Variants in MAPKAP1 observed in about 807,000 individuals in gnomAD.
The protein encoded by MAPKAP1 is MAPK associated protein 1, also known as target of rapamycin complex 2 subunit MAPKAP1.
In MAPKAP1, 20 loss-of-function variants were observed where a neutral mutation model predicts 65.7. The observed-to-expected ratio is 0.30, with a 90% CI of 0.21 to 0.44. The LOEUF (loss-of-function observed/expected upper bound fraction) is 0.44. MAPKAP1 is among the 20% of genes least tolerant of loss of function. The pLI is 1.00. For synonymous variants in MAPKAP1, 222 were observed against 244.3 expected, an observed-to-expected ratio of 0.91 and a Z score of 0.85; for missense variants, 423 against 648.0, an observed-to-expected ratio of 0.65 and a Z score of 3.77.
intron 9 of MAPKAP1, among the ~76,000 whole-genome samples, chr9:125,476,534 C>T (rs1333113964): frequency 2.0e-5 from 3 of 151,304 alleles, no homozygotes; most frequent in South Asian, 4.2e-4. Flanking sequence ...TTGAACTGTA[C>T]TCCACAGGTA....
chr9:125,442,128 C>CAAAAAAA (rs71492449), intron 11 of MAPKAP1, among the ~76,000 whole-genome samples: 1 of 38,754 alleles, frequency 2.6e-5, no homozygotes, highest in African/African-American at 9.5e-5. Flanking sequence ...GACTCTGTCT[C>CAAAAAAA]AAAAAAAAAA....
intron 9 of MAPKAP1, among the ~76,000 whole-genome samples, chr9:125,479,478 G>C (rs1011418169): frequency 6.6e-6 from 1 of 152,084 alleles, no homozygotes; most frequent in Non-Finnish European, 1.5e-5. Flanking sequence ...TACTTGGGAG[G>C]CTGAGGCAGA....
chr9:125,542,265 T>G (rs1830274564), intron 7 of MAPKAP1, among the ~76,000 whole-genome samples: 1 of 152,252 alleles, frequency 6.6e-6, no homozygotes, highest in South Asian at 2.1e-4. Flanking sequence ...ACAGATTATA[T>G]GCCTCCCCTT....
intron 10 of MAPKAP1, among the ~76,000 whole-genome samples, chr9:125,459,484 A>C (rs1346265549): frequency 6.6e-6 from 1 of 151,936 alleles, no homozygotes; most frequent in Admixed American, 6.6e-5. Flanking sequence ...TGGAGGTTGT[A>C]GCGAGCCGAG....
At chr9:125,539,469 A>G (rs1179537760) in intron 7 of MAPKAP1, among the ~76,000 whole-genome samples, 2 of 152,184 alleles carry the variant, frequency 1.3e-5, no homozygotes, top group Non-Finnish European at 2.9e-5. Context: ...TTTCTGTGTC[A>G]ATGTTAAACA....
rs141566538 is a variant in MAPKAP1, at chr9:125,554,693, G to T, written c.848+4940C>A. Among the ~76,000 whole-genome samples, 3 of 151,614 alleles carry T rather than the reference G, an allele frequency of 2.0e-5. No homozygotes were observed. In the East Asian group the frequency reaches 5.9e-4, roughly 30 times the overall value. ...TGCCTGTAGTTCCAGCTACTTGGGA[G>T]GCTGAGGCAGGAGGGTCCTTTGAGC... On this transcript the variant is annotated intron_variant, in intron 6 of 11. Transcript: ENST00000265960.
At chr9:125,682,479 A>G (rs967286986) in intron 1 of MAPKAP1, among the ~76,000 whole-genome samples, 1 of 152,212 alleles carries the variant, frequency 6.6e-6, no homozygotes, top group Non-Finnish European at 1.5e-5. Flanking sequence ...TAGCTGTGAA[A>G]CTTCAAACAA....
chr9:125,488,403 T>C (rs1854575819), intron 8 of MAPKAP1, among the ~76,000 whole-genome samples: 1 of 152,234 alleles, frequency 6.6e-6, no homozygotes, highest in Non-Finnish European at 1.5e-5. Context: ...TTTGCTCTTG[T>C]TGCCCAGGCT....
rs930756538 is a variant in MAPKAP1, at chr9:125,625,235, A to AT, written c.498+32415dup. Among the ~76,000 whole-genome samples the AT allele has an allele frequency of 5.8e-4, 23 of 39,504 alleles. 1 individual carries two copies. The highest frequency in any genetic ancestry group is 1.9e-3 in the South Asian group (2 of 1,038). 25.9% of individuals were successfully genotyped at this position (39,504 alleles called of 152,430 possible). A position where few individuals can be genotyped will look rare whatever the true frequency, so the allele number is the denominator to read the frequency against. ...TGTGAGAAACACCCAAGAATTATCAATAAAAAAAAAATAAATAAATAAAAA... is the reference window on the plus strand; with the variant it reads ...TGTGAGAAACACCCAAGAATTATCAATTAAAAAAAAAATAAATAAATAAAAA... On this transcript the variant is annotated intron_variant, in intron 4 of 11. Coordinates refer to ENST00000265960, the MANE Select transcript of MAPKAP1 (RefSeq NM_001006617.3).
Position 125,637,348 on chromosome 9 carries a change from A to T in MAPKAP1, c.498+20303T>A, listed in dbSNP as rs933948696. ...CAAGCGCAGAAGGAATGAGCAGATA[A>T]AAGGTGGTTCAAGTATCAAAGTGCT... On this transcript the variant is annotated intron_variant, in intron 4 of 11. Transcript: ENST00000265960. Among the ~76,000 whole-genome samples, 10 of 152,312 alleles carry T rather than the reference A, an allele frequency of 6.6e-5. No homozygotes were observed. The East Asian group carries it at 1.9e-3, about 29-fold the overall frequency.
At chr9:125,698,751 A>G (rs1463371419) in intron 1 of MAPKAP1, among the ~76,000 whole-genome samples, 2 of 152,224 alleles carry the variant, frequency 1.3e-5, no homozygotes, top group African/African-American at 2.4e-5. Context: ...AACAAAGAGC[A>G]GTTACAGGCA....
Position 125,669,854 on chromosome 9 carries a change from T to G in MAPKAP1, c.313A>C (p.Asn105His). 6.3e-7 allele frequency: 1 copy of G among 1,594,348 alleles called. No homozygotes were observed. Among genetic ancestry groups the G allele is most frequent in the Non-Finnish European group, 8.6e-7 (1 of 1,168,020 alleles). The change falls in exon 3 of 12, where the codon AAT (asparagine) becomes CAT (histidine). Residue 105 changes from asparagine (N) to histidine (H), a missense_variant. This residue lies in a region of MAPKAP1 where 67 missense variants were observed against 69.6 expected (regional missense o/e 0.96). Transcript: ENST00000265960. ...KERQNQIKCKNIQWKERNSKQ... is the reference protein window; with the variant it reads ...KERQNQIKCKHIQWKERNSKQ... ...GAATTTCTTTCTTTCCACTGAATAT[T>G]TTTGCATTTGATCTGGTTTTGTCTC...
intron 4 of MAPKAP1, among the ~76,000 whole-genome samples, chr9:125,602,059 C>A (rs1002365935): frequency 2.0e-5 from 3 of 152,006 alleles, no homozygotes; most frequent in African/African-American, 7.2e-5. Flanking sequence ...TCGAGACCAG[C>A]CAAGGCAATA....
intron 1 of MAPKAP1, among the ~76,000 whole-genome samples, chr9:125,693,414 C>CAA (rs140359169): frequency 3.1e-4 from 37 of 118,594 alleles, no homozygotes; most frequent in East Asian, 2.6e-3. Flanking sequence ...AATTCCGCCT[C>CAA]AAAAAAAAAA....
At chr9:125,441,744 C>T (rs1852492903) in intron 11 of MAPKAP1, among the ~76,000 whole-genome samples, 2 of 152,270 alleles carry the variant, frequency 1.3e-5, no homozygotes, top group South Asian at 4.1e-4. Context: ...GCTGGGCTTC[C>T]GTTGCTTGGT....
intron 5 of MAPKAP1, chr9:125,567,728 T>C (rs542748655): frequency 1.3e-5 from 2 of 152,178 alleles, no homozygotes; most frequent in Non-Finnish European, 2.9e-5. Context: ...CCCTGTCCTG[T>C]AACATCTTCC....
chr9:125,568,094 G>A (rs1356002982), intron 5 of MAPKAP1: 1 of 152,066 alleles, frequency 6.6e-6, no homozygotes, highest in South Asian at 2.1e-4. Flanking sequence ...AAGACAGAGT[G>A]GGTTAGAGTC....
intron 4 of MAPKAP1, among the ~76,000 whole-genome samples, chr9:125,651,666 C>G (rs1188493946): frequency 1.3e-5 from 2 of 152,132 alleles, no homozygotes; most frequent in Admixed American, 1.3e-4. Context: ...AGACGAACAG[C>G]TCCTAATTCA....
intron 1 of MAPKAP1, among the ~76,000 whole-genome samples, chr9:125,686,014 C>A (rs1357747448): frequency 4.6e-5 from 7 of 152,118 alleles, no homozygotes; most frequent in Non-Finnish European, 1.0e-4. Context: ...TTCAGGGTAA[C>A]CACATATCAA....
Sources: gnomAD v4.1 joint callset for allele counts (sites outside exome capture counted in the v4.1 genomes callset) on GRCh38, gnomAD v4.1.1 for gene constraint, gnomAD v4.1.1 regional missense constraint, MANE v1.5 for transcripts, NCBI Gene and HGNC (gene_info 2026-07-23, HGNC 2026-07-21) for gene names.